The following KANSL1 variants were observed in gnomAD, a reference collection of about 807,000 sequenced individuals.
KANSL1 encodes the protein KAT8 regulatory NSL complex subunit 1.
In KANSL1, 22 loss-of-function variants were observed where a neutral mutation model predicts 103.6. The ratio of observed to expected loss-of-function variants is 0.21; its 90% CI spans 0.15 to 0.30. The LOEUF (loss-of-function observed/expected upper bound fraction) is 0.30, where lower values mean the gene tolerates loss of function less well. Ranked by LOEUF, KANSL1 falls within the 10% of genes least tolerant of loss-of-function variation. KANSL1 has a pLI of 1.00. For missense variants in KANSL1, 1,337 were observed against 1,399.8 expected (o/e 0.96, Z 0.72); for synonymous variants, 600 against 527.6 (o/e 1.14, Z -1.88).
At chr17:46,201,031 C>T (rs2047787764) in intron 1 of KANSL1, among the ~76,000 whole-genome samples, 1 of 152,144 alleles carries the variant, frequency 6.6e-6, no homozygotes, top group South Asian at 2.1e-4. Flanking sequence ...CCTACCTCAG[C>T]TGCCCAAGTA....
At chr17:46,067,761 A>G (rs1411507810) in intron 4 of KANSL1, 94 bp from the exon 5 acceptor site, 1 of 678,346 alleles carries the variant, frequency 1.5e-6, no homozygotes, top group African/African-American at 1.8e-5. Flanking sequence ...AGCACCTAAA[A>G]CTTCTGATGA....
At chr17:46,169,291 A>G (rs1304509694) in intron 2 of KANSL1, among the ~76,000 whole-genome samples, 6 of 152,252 alleles carry the variant, frequency 3.9e-5, no homozygotes, top group Non-Finnish European at 8.8e-5. Flanking sequence ...ATTTGCTTTA[A>G]ATCTAAATAC....
intron 2 of KANSL1, among the ~76,000 whole-genome samples, chr17:46,142,554 A>G (rs144817826): frequency 6.6e-6 from 1 of 152,344 alleles, no homozygotes; most frequent in East Asian, 1.9e-4. Flanking sequence ...AGCTGCAGCA[A>G]GCTACGACTA....
intron 3 of KANSL1, among the ~76,000 whole-genome samples, chr17:46,084,913 G>C (rs2079109715): frequency 2.0e-5 from 3 of 151,970 alleles, no homozygotes. Flanking sequence ...ATTTGCAAAA[G>C]ACAGTTATCT....
chr17:46,170,907 T>G lies in KANSL1; in HGVS notation c.1237A>C (p.Ile413Leu), dbSNP rs2046250487. 1 of 1,613,940 alleles carries G rather than the reference T, an allele frequency of 6.2e-7. No homozygotes were observed. The highest frequency in any genetic ancestry group is 1.3e-5 in the African/African-American group (1 of 74,946). ...TDSSSGGESD[I>L]EEEELTRADP... ...GCTCTGGTCAGTTCTTCCTCTTCAATATCAGACTCCCCTCCTGAACTACTG... is the reference window on the plus strand; with the variant it reads ...GCTCTGGTCAGTTCTTCCTCTTCAAGATCAGACTCCCCTCCTGAACTACTG... Residue 413 changes from isoleucine to leucine, a missense_variant, in exon 2 of 15, where the codon ATT (isoleucine) becomes CTT (leucine). Transcript: ENST00000432791.
At chr17:46,206,474 C>T (rs1274045771) in intron 1 of KANSL1, among the ~76,000 whole-genome samples, 3 of 152,160 alleles carry the variant, frequency 2.0e-5, no homozygotes, top group Non-Finnish European at 4.4e-5. Context: ...ACCTATAATC[C>T]CAGCATTTGG....
intron 2 of KANSL1, among the ~76,000 whole-genome samples, chr17:46,167,990 G>T (rs146442721): frequency 5.9e-4 from 90 of 152,282 alleles, no homozygotes; most frequent in Non-Finnish European, 1.2e-3. Context: ...TTTCATCAGG[G>T]CTGCCTAGAC....
chr17:46,086,460 A>T (rs945890329), intron 3 of KANSL1, among the ~76,000 whole-genome samples: 2 of 152,252 alleles, frequency 1.3e-5, no homozygotes, highest in African/African-American at 4.8e-5. Flanking sequence ...TTATCCGCTC[A>T]TCAGCATTTG....
chr17:46,131,584 G>C (rs1020487488), intron 2 of KANSL1, among the ~76,000 whole-genome samples: 4 of 152,162 alleles, frequency 2.6e-5, no homozygotes, highest in African/African-American at 9.7e-5. Context: ...TTCATCACAT[G>C]AATTACTGCA....
intron 3 of KANSL1, chr17:46,093,730 CTTA>C (rs2079506403): frequency 6.6e-6 from 1 of 152,218 alleles, no homozygotes; most frequent in South Asian, 2.1e-4. Context: ...CATTTTGACC[CTTA>C]TTTTTAGTAG....
chr17:46,071,206 T>A (rs1394833296), intron 4 of KANSL1, among the ~76,000 whole-genome samples: 1 of 152,196 alleles, frequency 6.6e-6, no homozygotes, highest in Non-Finnish European at 1.5e-5. Context: ...CAACACATTA[T>A]TAACATGGAA....
In KANSL1 at chr17:46,059,647, A is replaced by AAAAAGAGAGAGAG. The variant is rs541946204; in HGVS notation, c.1848+6889_1848+6890insCTCTCTCTCTTTT. 8.4e-4 allele frequency among the ~76,000 whole-genome samples: 46 copies of AAAAAGAGAGAGAG among 54,876 alleles called. 2 individuals are homozygous for AAAAAGAGAGAGAG. The highest frequency in any genetic ancestry group is 3.5e-3 in the East Asian group (5 of 1,436). The allele number at this position is 54,876 out of a possible 152,430, so 36.0% of individuals were successfully genotyped here. ...TGACTCCAAAAAAAAAAAAAAAAAA[A>AAAAAGAGAGAGAG]AGAGAGAGAGAGAGAGAGAAAAGGA... On this transcript the variant is annotated intron_variant, in intron 6 of 14. Transcript: ENST00000432791.
At chr17:46,173,752 C>CT (rs1216165267) in intron 1 of KANSL1, among the ~76,000 whole-genome samples, 6 of 152,184 alleles carry the variant, frequency 3.9e-5, no homozygotes, top group South Asian at 2.1e-4. Context: ...CTCAGTTTTT[C>CT]TTTTTTTAAG....
Position 46,059,443 on chromosome 17 carries a change from AC to A in KANSL1, c.1848+7093del, listed in dbSNP as rs2078067057. Among the ~76,000 whole-genome samples the A allele has an allele frequency of 2.0e-5, 3 of 151,818 alleles. No homozygotes were observed. The South Asian group carries it at 6.3e-4, about 32-fold the overall frequency. Reference sequence around the variant, plus strand: ...AAACCAGCTTGGCCAACATGGTGAAACCCCGTCTCTACTAAAAATACAAAAA... The same window carrying A: ...AAACCAGCTTGGCCAACATGGTGAAACCCGTCTCTACTAAAAATACAAAAA... On this transcript the variant is annotated intron_variant, in intron 6 of 14. Transcript: ENST00000432791.
intron 10 of KANSL1, 57 bp from the exon 11 acceptor site, chr17:46,034,342 T>C: frequency 1.3e-6 from 2 of 1,590,216 alleles, no homozygotes; most frequent in Non-Finnish European, 1.7e-6. Flanking sequence ...CATCAAATCA[T>C]TCATCTAAGA....
chr17:46,083,876 C>A (rs1041292256), intron 3 of KANSL1, among the ~76,000 whole-genome samples: 1 of 152,048 alleles, frequency 6.6e-6, no homozygotes, highest in Non-Finnish European at 1.5e-5. Flanking sequence ...CTCTTATGAG[C>A]CACTAAACCA....
rs540312622 is a variant in KANSL1, at chr17:46,176,996, A to T, written c.-89-4764T>A. 6.6e-5 allele frequency among the ~76,000 whole-genome samples: 10 copies of T among 152,334 alleles called. No individual in the cohort carries two copies. In the South Asian group the frequency reaches 2.1e-3, roughly 32 times the overall value. ...CAAAGAAATACCATTTATTGACTTG[A>T]CATACCTTTATTGACTCGAAATACT... On this transcript the variant is annotated intron_variant, in intron 1 of 14. Transcript: ENST00000432791.
At chr17:46,105,947 A>ACACACACACAC (rs1396276906) in intron 2 of KANSL1, among the ~76,000 whole-genome samples, 1 of 57,780 alleles carries the variant, frequency 1.7e-5, no homozygotes, top group African/African-American at 6.6e-5. Flanking sequence ...ACACACACAC[A>ACACACACACAC]CCCCCCCAGA....
At chr17:46,095,221 A>T (rs2042010600) in intron 2 of KANSL1, among the ~76,000 whole-genome samples, 1 of 152,248 alleles carries the variant, frequency 6.6e-6, no homozygotes, top group Non-Finnish European at 1.5e-5. Context: ...GATCTATACA[A>T]ATGGTAGGAC....
Sources: allele counts gnomAD v4.1 joint callset (sites outside exome capture counted in the v4.1 genomes callset), GRCh38; gene constraint gnomAD v4.1.1; transcripts MANE v1.5; gene names NCBI Gene and HGNC (gene_info 2026-07-23, HGNC 2026-07-21).